Variants in MYO9A observed in about 807,000 individuals in gnomAD.
MYO9A encodes the protein myosin IXA, also known as unconventional myosin-IXa.
A neutral mutation model predicts 293.3 loss-of-function variants in MYO9A; 103 were observed. The ratio of observed to expected loss-of-function variants is 0.35; its 90% CI spans 0.30 to 0.41. The LOEUF is 0.41. Among genes scored for constraint, MYO9A ranks in the 10% least tolerant of loss-of-function variants. The pLI is 1.00. For missense variants in MYO9A, 2,685 were observed against 3,033.0 expected, an observed-to-expected ratio of 0.89 and a Z score of 2.69; for synonymous variants, 1,001 against 1,035.7, an observed-to-expected ratio of 0.97 and a Z score of 0.64.
chr15:71,867,225 T>TC (rs778774165), intron 32 of MYO9A, among the ~76,000 whole-genome samples: 4 of 151,928 alleles, frequency 2.6e-5, no homozygotes, highest in Non-Finnish European at 5.9e-5. Flanking sequence ...TAGATTCATA[T>TC]CCCACACTGC....
chr15:71,939,120 T>G (rs574981794), intron 15 of MYO9A, 193 bp from the exon 16 acceptor site: 2 of 496,746 alleles, frequency 4.0e-6, no homozygotes, highest in African/African-American at 4.0e-5. Context: ...AATTAGAAAA[T>G]TTAATAATGA....
intron 19 of MYO9A, 118 bp downstream of exon 19, chr15:71,916,252 G>T: frequency 2.4e-6 from 3 of 1,229,600 alleles, no homozygotes; most frequent in Non-Finnish European, 2.2e-6. Flanking sequence ...AGTAATATAT[G>T]GCTTTTTAGT....
intron 1 of MYO9A, among the ~76,000 whole-genome samples, chr15:72,054,595 C>G (rs1010384712): frequency 6.8e-6 from 1 of 147,124 alleles, no homozygotes; most frequent in Non-Finnish European, 1.5e-5. Context: ...CACTTGAACC[C>G]AGGAGGCAGA....
intron 39 of MYO9A, among the ~76,000 whole-genome samples, chr15:71,840,677 T>A (rs1237680334): frequency 6.6e-5 from 10 of 152,226 alleles, no homozygotes; most frequent in Non-Finnish European, 1.5e-4. Context: ...TCGCCCAGGC[T>A]GGAGTGCAGT....
chr15:71,990,243 T>A (rs895093193), intron 11 of MYO9A, among the ~76,000 whole-genome samples: 5 of 151,428 alleles, frequency 3.3e-5, no homozygotes, highest in Admixed American at 2.6e-4. Flanking sequence ...CAATACCACA[T>A]CTGGTTAATT....
At chr15:72,012,240 T>C (rs1016648541) in intron 6 of MYO9A, among the ~76,000 whole-genome samples, 4 of 152,198 alleles carry the variant, frequency 2.6e-5, no homozygotes, top group Non-Finnish European at 4.4e-5. Context: ...TACTATAAAA[T>C]TGCTTTCGAT....
chr15:72,082,721 G>C (rs564770938), intron 1 of MYO9A, among the ~76,000 whole-genome samples: 1 of 150,394 alleles, frequency 6.6e-6, no homozygotes, highest in Non-Finnish European at 1.5e-5. Flanking sequence ...CTCGTTTATT[G>C]AGAGTTTTTA....
chr15:71,981,641 GTC>G (rs142432028), intron 11 of MYO9A, among the ~76,000 whole-genome samples: 351 of 143,974 alleles, frequency 2.4e-3, no homozygotes, highest in African/African-American at 3.1e-3. Context: ...TCTCTGTCTT[GTC>G]TCTCTCTCTC....
At chr15:71,870,143 G>A (rs1297018854) in intron 32 of MYO9A, among the ~76,000 whole-genome samples, 1 of 151,836 alleles carries the variant, frequency 6.6e-6, no homozygotes, top group African/African-American at 2.4e-5. Context: ...TGCAAGCTAA[G>A]ATGGGAATCA....
chr15:71,884,122 G>A (rs1254502771), intron 27 of MYO9A, among the ~76,000 whole-genome samples: 2 of 152,026 alleles, frequency 1.3e-5, no homozygotes, highest in African/African-American at 2.4e-5. Context: ...CTTGGATTTA[G>A]TATATACACA....
At chr15:72,019,324 T>C (rs1467864881) in intron 5 of MYO9A, among the ~76,000 whole-genome samples, 1 of 152,226 alleles carries the variant, frequency 6.6e-6, no homozygotes, top group Non-Finnish European at 1.5e-5. Flanking sequence ...TTATATAAAC[T>C]GAGTCCCATA....
At chr15:71,836,243 AG>A (rs2054934946) in intron 39 of MYO9A, among the ~76,000 whole-genome samples, 1 of 151,980 alleles carries the variant, frequency 6.6e-6, no homozygotes, top group African/African-American at 2.4e-5. Context: ...CTCACAAAAG[AG>A]GATACAGAAA....
intron 1 of MYO9A, among the ~76,000 whole-genome samples, chr15:72,050,961 T>C (rs2078542896): frequency 6.6e-6 from 1 of 152,228 alleles, no homozygotes; most frequent in African/African-American, 2.4e-5. Context: ...CATAGTTATT[T>C]TTCTTGTAGT....
intron 1 of MYO9A, among the ~76,000 whole-genome samples, chr15:72,108,090 G>C (rs2080638181): frequency 6.6e-6 from 1 of 152,146 alleles, no homozygotes; most frequent in Non-Finnish European, 1.5e-5. Context: ...GATCAAAAAA[G>C]ATGCTAAAAT....
At chr15:71,879,492 G>A (rs1011833059) in intron 30 of MYO9A, among the ~76,000 whole-genome samples, 2 of 152,140 alleles carry the variant, frequency 1.3e-5, no homozygotes, top group African/African-American at 4.8e-5. Flanking sequence ...GCTGTAAGGT[G>A]GGAAAAAGCT....
rs747171702 is a variant in MYO9A, at chr15:71,897,422, G to T, written c.5042+39C>A. On this transcript the variant is annotated intron_variant, in intron 25 of 41. Transcript: ENST00000356056. ...AGGCACCTTAATAAAAATACTCCAA[G>T]AAGTTTCCCATTTATACATAAATAA... is the stretch of plus-strand genomic sequence containing the variant. 5.2e-6 allele frequency: 8 copies of T among 1,535,816 alleles called. No individual in the cohort carries two copies. In the Admixed American group the frequency reaches 8.0e-5, roughly 15 times the overall value.
At chr15:71,929,207 A>G (rs1311636682) in intron 18 of MYO9A, among the ~76,000 whole-genome samples, 1 of 152,172 alleles carries the variant, frequency 6.6e-6, no homozygotes, top group Non-Finnish European at 1.5e-5. Context: ...AGGATTTTCT[A>G]TATAACATTA....
At chr15:71,970,929 C>T (rs987101809) in intron 12 of MYO9A, among the ~76,000 whole-genome samples, 6 of 151,790 alleles carry the variant, frequency 4.0e-5, no homozygotes. Context: ...GAGGCTGAGG[C>T]GGGTGGATCA....
chr15:72,071,679 G>A (rs532671615), intron 1 of MYO9A, among the ~76,000 whole-genome samples: 5 of 151,974 alleles, frequency 3.3e-5, no homozygotes, highest in East Asian at 1.9e-4. Flanking sequence ...TGCTTAAGCC[G>A]AGGAGACAGA....
Sources: gnomAD v4.1 joint callset for allele counts (sites outside exome capture counted in the v4.1 genomes callset) on GRCh38, gnomAD v4.1.1 for gene constraint, MANE v1.5 for transcripts, NCBI Gene and HGNC (gene_info 2026-07-23, HGNC 2026-07-21) for gene names.